The following NAALADL2 variants were observed in gnomAD, a reference collection of about 807,000 sequenced individuals.
The protein encoded by NAALADL2 is inactive N-acetylated-alpha-linked acidic dipeptidase-like protein 2.
NAALADL2 carries 76 observed loss-of-function variants against 87.2 expected under a neutral mutation model. That is an observed-to-expected ratio of 0.87 (90% confidence interval 0.72 to 1.05). NAALADL2 has a LOEUF of 1.05. NAALADL2 is among the 50% of genes least tolerant of loss of function. The probability of loss-of-function intolerance (pLI) is 0.00; values close to 1 mark genes in which losing one functional copy is unlikely to be tolerated. For missense variants in NAALADL2, 1,089 were observed against 945.8 expected (o/e 1.15, Z -1.99); for synonymous variants, 354 against 331.0 (o/e 1.07, Z -0.75).
At chr3:174,664,222 T>A (rs1237840154) in intron 2 of NAALADL2, among the ~76,000 whole-genome samples, 1 of 152,206 alleles carries the variant, frequency 6.6e-6, no homozygotes, top group Admixed American at 6.5e-5. Flanking sequence ...ACCTGTACAA[T>A]TTAAGTTTGA....
chr3:174,474,066 C>A (rs1016293686), intron 1 of NAALADL2, among the ~76,000 whole-genome samples: 1 of 152,080 alleles, frequency 6.6e-6, no homozygotes, highest in Non-Finnish European at 1.5e-5. Context: ...TATGGGGTTC[C>A]TCCCATGACA....
At chr3:175,367,346 CT>C (rs1354948841) in intron 5 of NAALADL2, among the ~76,000 whole-genome samples, 3 of 140,984 alleles carry the variant, frequency 2.1e-5, no homozygotes, top group Non-Finnish European at 4.6e-5. Flanking sequence ...GATGCGGGCT[CT>C]TTTTTGCTTC....
At chr3:174,506,182 TC>T (rs1284270189) in intron 1 of NAALADL2, among the ~76,000 whole-genome samples, 8 of 150,626 alleles carry the variant, frequency 5.3e-5, no homozygotes, top group Non-Finnish European at 8.8e-5. Context: ...TTGGTTTATA[TC>T]TTTTTTTTTT....
intron 1 of NAALADL2, among the ~76,000 whole-genome samples, chr3:175,035,764 A>C (rs867414219): frequency 4.3e-4 from 66 of 152,168 alleles, no homozygotes; most frequent in Admixed American, 6.6e-4. Flanking sequence ...TGTTAATTCA[A>C]AATCATTTAA....
intron 3 of NAALADL2, among the ~76,000 whole-genome samples, chr3:175,248,209 C>G (rs976763052): frequency 2.0e-5 from 3 of 149,612 alleles, no homozygotes; most frequent in Non-Finnish European, 4.4e-5. Context: ...AGCTCTGTGA[C>G]TGTGAAAATG....
rs113001734 is a variant in NAALADL2 at position 175,735,080 on chromosome 3, A to G, written c.1897-2226A>G. Among the ~76,000 whole-genome samples, 220 of 152,298 alleles carry G rather than the reference A, an allele frequency of 1.4e-3. 4 individuals carry two copies. The highest frequency in any genetic ancestry group is 4.9e-3 in the African/African-American group (204 of 41,580). On this transcript the variant is annotated intron_variant, in intron 11 of 13. Coordinates refer to ENST00000454872, the MANE Select transcript of NAALADL2 (RefSeq NM_207015.3). ...TCATCTCTTGAATGCTCTGCTACTT[A>G]GAAATTTCTTCTACCAGATACCTTA...
chr3:175,728,192 A>G (rs931458475), intron 11 of NAALADL2, among the ~76,000 whole-genome samples: 6 of 152,196 alleles, frequency 3.9e-5, no homozygotes, highest in Admixed American at 2.6e-4. Flanking sequence ...TTTCGAATAT[A>G]CAAGAAACAT....
intron 5 of NAALADL2, among the ~76,000 whole-genome samples, chr3:175,442,321 C>G (rs1179550768): frequency 6.6e-6 from 1 of 151,770 alleles, no homozygotes; most frequent in East Asian, 1.9e-4. Context: ...ATACTGGTTA[C>G]TAACAGAGCA....
chr3:175,447,310 T>G lies in NAALADL2; in HGVS notation c.1172T>G (p.Ile391Ser). Residue 391 changes from isoleucine to serine, a missense_variant, in exon 6 of 14, where the codon ATC (isoleucine) becomes AGC (serine). By Grantham distance (142) the Ile-to-Ser change is moderately radical (BLOSUM62 -2). Transcript: ENST00000454872. ...TCTGCACCCCTCGTTGCAAAACTGATCTCTTCGCCAAAAGCTAGAACCAAA... is the reference window on the plus strand; with the variant it reads ...TCTGCACCCCTCGTTGCAAAACTGAGCTCTTCGCCAAAAGCTAGAACCAAA... Reference protein sequence around the residue: ...PISAPLVAKLISSPKARTKNE... With the variant: ...PISAPLVAKLSSSPKARTKNE... 1 of 1,605,724 alleles carries G rather than the reference T, an allele frequency of 6.2e-7. No individual in the cohort carries two copies. The highest frequency in any genetic ancestry group is 8.5e-7 in the Non-Finnish European group (1 of 1,175,466).
intron 1 of NAALADL2, among the ~76,000 whole-genome samples, chr3:174,441,783 T>C (rs1714661136): frequency 1.3e-5 from 2 of 152,000 alleles, no homozygotes; most frequent in East Asian, 3.9e-4. Context: ...TGTGTTCTTT[T>C]CCCCCTCACT....
chr3:175,527,705 C>T (rs535197353), intron 9 of NAALADL2, among the ~76,000 whole-genome samples: 8 of 152,094 alleles, frequency 5.3e-5, no homozygotes, highest in African/African-American at 1.4e-4. Context: ...AGGGTAGTAG[C>T]ATTTTAGAGA....
chr3:175,099,316 C>T (rs1228903451), intron 2 of NAALADL2, among the ~76,000 whole-genome samples: 1 of 152,116 alleles, frequency 6.6e-6, no homozygotes, highest in Non-Finnish European at 1.5e-5. Context: ...ACATGTATGT[C>T]AAAGCTAGCT....
At chr3:175,698,915 C>T (rs1375666967) in intron 11 of NAALADL2, among the ~76,000 whole-genome samples, 1 of 151,808 alleles carries the variant, frequency 6.6e-6, no homozygotes, top group African/African-American at 2.4e-5. Context: ...GAGTGCTAAG[C>T]ACACATAAAA....
intron 1 of NAALADL2, among the ~76,000 whole-genome samples, chr3:175,032,431 C>T (rs1202189432): frequency 6.6e-6 from 1 of 151,930 alleles, no homozygotes; most frequent in Non-Finnish European, 1.5e-5. Context: ...TTATATTGCT[C>T]ATTGTTTATT....
intron 1 of NAALADL2, among the ~76,000 whole-genome samples, chr3:175,012,018 A>G (rs763021903): frequency 1.3e-5 from 2 of 152,180 alleles, no homozygotes; most frequent in African/African-American, 2.4e-5. Context: ...CAAGAGAAAG[A>G]ATGTATGGCA....
intron 5 of NAALADL2, among the ~76,000 whole-genome samples, chr3:175,356,301 C>T (rs568252737): frequency 6.6e-6 from 1 of 151,892 alleles, no homozygotes; most frequent in Non-Finnish European, 1.5e-5. Context: ...AAATAATATC[C>T]ACCGGGCAAG....
chr3:175,483,600 A>G (rs1392264387), intron 9 of NAALADL2, among the ~76,000 whole-genome samples: 1 of 151,948 alleles, frequency 6.6e-6, no homozygotes, highest in Admixed American at 6.6e-5. Flanking sequence ...AGTCATCTCA[A>G]GGGAATGCAT....
chr3:175,674,367 C>T (rs774486063), intron 11 of NAALADL2, among the ~76,000 whole-genome samples: 9 of 151,918 alleles, frequency 5.9e-5, no homozygotes, highest in Non-Finnish European at 1.2e-4. Context: ...TCGCGCCATT[C>T]TCCTGCCTCA....
At chr3:175,031,517 C>A (rs988900143) in intron 1 of NAALADL2, among the ~76,000 whole-genome samples, 9 of 152,066 alleles carry the variant, frequency 5.9e-5, no homozygotes, top group African/African-American at 2.2e-4. Flanking sequence ...TACAATTGAC[C>A]ACAGATGGGC....
Sources: allele counts gnomAD v4.1 joint callset (sites outside exome capture counted in the v4.1 genomes callset), GRCh38; gene constraint gnomAD v4.1.1; transcripts MANE v1.5; gene names NCBI Gene and HGNC (gene_info 2026-07-23, HGNC 2026-07-21).